TBC1D19: variants seen among roughly 807,000 people sequenced by gnomAD.
The protein encoded by TBC1D19 is TBC1 domain family, member 19.
Under a neutral mutation model 89.0 loss-of-function variants are expected in TBC1D19, and 60 were observed. The observed-to-expected ratio is 0.67, with a 90% CI of 0.55 to 0.84. The LOEUF is 0.84. Ranked by LOEUF, TBC1D19 falls within the 40% of genes least tolerant of loss-of-function variation. The pLI is 0.00. For missense variants in TBC1D19, 500 were observed against 610.8 expected (o/e 0.82, Z 1.91); for synonymous variants, 189 against 199.7 (o/e 0.95, Z 0.45).
At chr4:26,672,326 G>T in intron 10 of TBC1D19, 139 bp downstream of exon 10, 1 of 656,730 alleles carries the variant, frequency 1.5e-6, no homozygotes, top group South Asian at 1.9e-5. Context: ...TAACCATGTA[G>T]ATTACATAAT....
chr4:26,711,142 G>T (rs1392945602), intron 13 of TBC1D19, among the ~76,000 whole-genome samples: 1 of 152,102 alleles, frequency 6.6e-6, no homozygotes, highest in African/African-American at 2.4e-5. Flanking sequence ...TTCTTCTAGG[G>T]TTTTTACGGT....
chr4:26,622,944 G>C (rs1700059605), intron 4 of TBC1D19, among the ~76,000 whole-genome samples: 1 of 152,076 alleles, frequency 6.6e-6, no homozygotes, highest in African/African-American at 2.4e-5. Flanking sequence ...CCAGCCCACA[G>C]AACACTCTTG....
intron 13 of TBC1D19, among the ~76,000 whole-genome samples, chr4:26,693,692 TAAA>T (rs34328185): frequency 1.5e-5 from 2 of 134,460 alleles, no homozygotes; most frequent in Non-Finnish European, 3.2e-5. Context: ...AGACCCGGTC[TAAA>T]AAAAAAAAAA....
At chr4:26,836,934 A>G in the TBC1D19 span, among the ~76,000 whole-genome samples, 1 of 152,292 alleles carries the variant, frequency 6.6e-6, no homozygotes, top group African/African-American at 2.4e-5. Context: ...AATTCACTGT[A>G]TCAAATTCCC....
At chr4:26,780,680 A>G in the TBC1D19 span, among the ~76,000 whole-genome samples, 2 of 152,210 alleles carry the variant, frequency 1.3e-5, no homozygotes, top group South Asian at 4.1e-4. Context: ...GTCTGAGTAG[A>G]CTTAAGTTCC....
rs1487360877 is a variant in TBC1D19, at chr4:26,756,182, A to T, written c.*1235A>T. On this transcript the variant is annotated 3_prime_UTR_variant, in exon 21 of 21. Coordinates refer to ENST00000264866, the MANE Select transcript of TBC1D19 (RefSeq NM_018317.4). Reference sequence around the variant, plus strand: ...GAGCTGAATAATAATTTATTCCATGATTGATTCTTAATAAACCCCATTTTA... The same window carrying T: ...GAGCTGAATAATAATTTATTCCATGTTTGATTCTTAATAAACCCCATTTTA... Among the ~76,000 whole-genome samples, 1 of 152,196 alleles carries T rather than the reference A, an allele frequency of 6.6e-6. No homozygotes were observed. The highest frequency in any genetic ancestry group is 1.5e-5 in the Non-Finnish European group (1 of 68,024).
At chr4:26,730,654 C>A (rs1717600016) in intron 15 of TBC1D19, among the ~76,000 whole-genome samples, 1 of 152,232 alleles carries the variant, frequency 6.6e-6, no homozygotes. Context: ...TCAGAATTAT[C>A]AGACTCTTCA....
In TBC1D19 at chr4:26,601,839, A is replaced by G. The variant is rs550861775; in HGVS notation, c.100-11330A>G. Among the ~76,000 whole-genome samples the G allele has an allele frequency of 7.2e-5, 11 of 152,146 alleles. No homozygotes were observed. In the East Asian group the frequency reaches 2.1e-3, roughly 29 times the overall value. On this transcript the variant is annotated intron_variant, in intron 1 of 20. Coordinates refer to ENST00000264866, the MANE Select transcript of TBC1D19 (RefSeq NM_018317.4). ...GTTCCATAAACTAACATTGTACAAA[A>G]CCATTTTCATGCCTTTGCTCAGTCT... is the stretch of plus-strand genomic sequence containing the variant.
the TBC1D19 span, among the ~76,000 whole-genome samples, chr4:26,799,139 C>G: frequency 6.6e-6 from 1 of 151,960 alleles, no homozygotes; most frequent in African/African-American, 2.4e-5. Flanking sequence ...TAAAATGGAC[C>G]TTTCCAGCCT....
chr4:26,726,144 CACACACA>C (rs1227724864), intron 15 of TBC1D19, among the ~76,000 whole-genome samples: 1 of 145,628 alleles, frequency 6.9e-6, no homozygotes, highest in East Asian at 2.0e-4. Flanking sequence ...CACACACACA[CACACACA>C]CACACACACA....
chr4:26,717,853 G>T, intron 13 of TBC1D19, 80 bp from the exon 14 acceptor site: 2 of 1,122,692 alleles, frequency 1.8e-6, no homozygotes, highest in Non-Finnish European at 2.7e-6. Flanking sequence ...CTTGAAGGAT[G>T]CCTCCTGAGT....
the TBC1D19 span, among the ~76,000 whole-genome samples, chr4:26,783,587 A>C: frequency 6.6e-6 from 1 of 152,234 alleles, no homozygotes; most frequent in Non-Finnish European, 1.5e-5. Flanking sequence ...TATTTGGTAG[A>C]AATATTAGCC....
At chr4:26,696,862 T>C (rs1378631230) in intron 13 of TBC1D19, among the ~76,000 whole-genome samples, 1 of 152,178 alleles carries the variant, frequency 6.6e-6, no homozygotes, top group African/African-American at 2.4e-5. Context: ...TAAAGCAGTG[T>C]GTAGAGGGAA....
chr4:26,801,588 T>C, the TBC1D19 span, among the ~76,000 whole-genome samples: 1 of 152,206 alleles, frequency 6.6e-6, no homozygotes, highest in African/African-American at 2.4e-5. Flanking sequence ...AATCTATAAA[T>C]CACCTTGGGC....
chr4:26,613,080 T>A (rs1019240944), intron 1 of TBC1D19, 89 bp from the exon 2 acceptor site: 31 of 954,854 alleles, frequency 3.2e-5, no homozygotes, highest in Middle Eastern at 3.3e-4. Flanking sequence ...TTTAAACATT[T>A]CCTTTGTTCT....
rs182691450 is a variant in TBC1D19 at position 26,711,376 on chromosome 4, A to T, written c.955-6557A>T. Reference sequence around the variant, plus strand: ...ATCATTTGAAATTTTCTAAATTTGGATAAAAATGTAAGAGTATCACAAATG... The same window carrying T: ...ATCATTTGAAATTTTCTAAATTTGGTTAAAAATGTAAGAGTATCACAAATG... On this transcript the variant is annotated intron_variant, in intron 13 of 20. Coordinates refer to ENST00000264866, the MANE Select transcript of TBC1D19 (RefSeq NM_018317.4). Among the ~76,000 whole-genome samples, 161 of 152,214 alleles carry T rather than the reference A, an allele frequency of 1.1e-3. 1 individual carries two copies. The highest frequency in any genetic ancestry group is 3.4e-3 in the Middle Eastern group (1 of 292).
intron 15 of TBC1D19, among the ~76,000 whole-genome samples, chr4:26,730,164 G>A (rs1717566733): frequency 2.0e-5 from 3 of 151,976 alleles, no homozygotes; most frequent in Admixed American, 2.0e-4. Context: ...AATGATAGAG[G>A]TAGACTCCCT....
the TBC1D19 span, chr4:26,858,231 T>C: frequency 6.6e-6 from 1 of 151,774 alleles, no homozygotes; most frequent in Non-Finnish European, 1.5e-5. Context: ...ATGCTGCCCA[T>C]CAGGTGTTTG....
At chr4:26,737,302 T>C (rs1180524060) in intron 16 of TBC1D19, among the ~76,000 whole-genome samples, 1 of 152,154 alleles carries the variant, frequency 6.6e-6, no homozygotes, top group Non-Finnish European at 1.5e-5. Context: ...ATTTATCTTA[T>C]ATATGTGAAG....
Sources: allele counts gnomAD v4.1 joint callset (sites outside exome capture counted in the v4.1 genomes callset), GRCh38; gene constraint gnomAD v4.1.1; transcripts MANE v1.5; gene names NCBI Gene and HGNC (gene_info 2026-07-23, HGNC 2026-07-21).